The following ESRRG variants were observed in gnomAD, a reference collection of about 807,000 sequenced individuals.
The protein encoded by ESRRG is estrogen-related receptor gamma.
Under a neutral mutation model 44.0 loss-of-function variants are expected in ESRRG, and 13 were observed. The ratio of observed to expected loss-of-function variants is 0.30; its 90% confidence interval spans 0.19 to 0.47. The LOEUF (loss-of-function observed/expected upper bound fraction) is 0.47, where lower values mean the gene tolerates loss of function less well. Among genes scored for constraint, ESRRG ranks in the 20% least tolerant of loss-of-function variants. The pLI, the probability that ESRRG is intolerant of heterozygous loss-of-function variation, is 1.00. For missense variants in ESRRG, 395 were observed against 580.6 expected, an observed-to-expected ratio of 0.68 and a Z score of 3.29; for synonymous variants, 215 against 214.6, an observed-to-expected ratio of 1.00 and a Z score of -0.02.
Position 216,962,854 on chromosome 1 carries a change from A to T in ESRRG, c.-105-23181T>A, listed in dbSNP as rs144705484. Among the ~76,000 whole-genome samples the T allele has an allele frequency of 1.2e-3, 185 of 152,322 alleles. 1 individual carries two copies. The highest frequency in any genetic ancestry group is 5.9e-5 in the Non-Finnish European group (4 of 68,026). On this transcript the variant is annotated intron_variant, in intron 1 of 7. Transcript: ENST00000359162. The stretch of plus-strand genomic sequence containing the variant: ...TGTAGAAAATAGCAACTGAGAACGT[A>T]TATACAATTAATATGACAAGACGGG...
chr1:217,033,395 G>A (rs949280073), intron 1 of ESRRG, among the ~76,000 whole-genome samples: 1 of 152,124 alleles, frequency 6.6e-6, no homozygotes, highest in Non-Finnish European at 1.5e-5. Flanking sequence ...AAGATATTTT[G>A]GGTTCCTCCA....
intron 3 of ESRRG, among the ~76,000 whole-genome samples, chr1:216,633,967 A>G (rs2064771654): frequency 1.3e-5 from 2 of 152,316 alleles, no homozygotes; most frequent in South Asian, 4.1e-4. Flanking sequence ...TATTGGTTAA[A>G]AGGGTAGATA....
intron 2 of ESRRG, among the ~76,000 whole-genome samples, chr1:216,793,797 G>A (rs1370279009): frequency 6.6e-6 from 1 of 152,072 alleles, no homozygotes; most frequent in African/African-American, 2.4e-5. Context: ...AGTGACTTGA[G>A]GATAGGAGCC....
chr1:216,781,872 T>C (rs1321333496), intron 2 of ESRRG, among the ~76,000 whole-genome samples: 1 of 152,032 alleles, frequency 6.6e-6, no homozygotes, highest in East Asian at 1.9e-4. Flanking sequence ...TGCACAGTGG[T>C]AGAGAGACAT....
At chr1:216,558,264 T>G (rs1381438310) in intron 5 of ESRRG, among the ~76,000 whole-genome samples, 2 of 152,182 alleles carry the variant, frequency 1.3e-5, no homozygotes, top group Admixed American at 1.3e-4. Context: ...CTCAACTTAC[T>G]GGTTCCTATT....
intron 3 of ESRRG, among the ~76,000 whole-genome samples, chr1:216,595,972 T>C (rs2058372683): frequency 6.6e-6 from 1 of 152,246 alleles, no homozygotes; most frequent in African/African-American, 2.4e-5. Flanking sequence ...TGATGCATGC[T>C]GCCCCAAAGC....
chr1:216,612,532 A>G (rs756163611), intron 3 of ESRRG, among the ~76,000 whole-genome samples: 4 of 151,774 alleles, frequency 2.6e-5, no homozygotes, highest in Non-Finnish European at 5.9e-5. Flanking sequence ...CTTCCTCTCC[A>G]CCCCCCTCCT....
intron 1 of ESRRG, among the ~76,000 whole-genome samples, chr1:216,952,671 C>G (rs987643834): frequency 1.3e-5 from 2 of 152,024 alleles, no homozygotes; most frequent in African/African-American, 4.8e-5. Flanking sequence ...TGCAAGATAG[C>G]AAAATTGGTT....
At chr1:216,552,250 G>A (rs1434519889) in intron 5 of ESRRG, among the ~76,000 whole-genome samples, 1 of 152,020 alleles carries the variant, frequency 6.6e-6, no homozygotes, top group African/African-American at 2.4e-5. Flanking sequence ...AAGTTAAGAT[G>A]ATAATTTTTA....
chr1:217,081,976 T>C (rs1310163045), intron 1 of ESRRG, among the ~76,000 whole-genome samples: 1 of 152,214 alleles, frequency 6.6e-6, no homozygotes, highest in Non-Finnish European at 1.5e-5. Context: ...CAGTCACTTG[T>C]TTGTTTAGAC....
At chr1:216,816,046 C>T (rs1247309322) in intron 2 of ESRRG, among the ~76,000 whole-genome samples, 3 of 152,168 alleles carry the variant, frequency 2.0e-5, no homozygotes, top group African/African-American at 7.2e-5. Flanking sequence ...TCTGCTCAAA[C>T]CTGGTGTCTG....
intron 1 of ESRRG, among the ~76,000 whole-genome samples, chr1:217,098,916 G>C (rs1244003125): frequency 6.6e-6 from 1 of 152,154 alleles, no homozygotes; most frequent in African/African-American, 2.4e-5. Context: ...GACTACCTAT[G>C]TCACCTGATT....
chr1:216,732,537 C>T (rs111682849), intron 2 of ESRRG, among the ~76,000 whole-genome samples: 9,463 of 151,920 alleles, frequency 0.062, 367 homozygotes, highest in African/African-American at 0.091. Context: ...CCACCACACC[C>T]GGCTAATTTT....
chr1:216,767,351 G>C (rs2093135498), intron 2 of ESRRG, among the ~76,000 whole-genome samples: 1 of 152,048 alleles, frequency 6.6e-6, no homozygotes, highest in South Asian at 2.1e-4. Flanking sequence ...CATACAGAAA[G>C]AAAGAGGGGG....
At chr1:217,034,861 T>C (rs2082605971) in intron 1 of ESRRG, among the ~76,000 whole-genome samples, 1 of 152,180 alleles carries the variant, frequency 6.6e-6, no homozygotes, top group Admixed American at 6.5e-5. Context: ...TAATCCATAA[T>C]GAAATATTAC....
intron 1 of ESRRG, among the ~76,000 whole-genome samples, chr1:217,110,208 T>C (rs148704352): frequency 6.6e-6 from 1 of 152,322 alleles, no homozygotes; most frequent in East Asian, 1.9e-4. Context: ...TCAAAATTGT[T>C]GTCAGTGCAG....
chr1:216,727,156 C>A (rs936183619), upstream of ESRRG, among the ~76,000 whole-genome samples: 3 of 152,160 alleles, frequency 2.0e-5, no homozygotes, highest in African/African-American at 7.2e-5. Flanking sequence ...ACACATTCAT[C>A]ATTTACTAAA....
intron 2 of ESRRG, among the ~76,000 whole-genome samples, chr1:216,767,880 C>G (rs964676467): frequency 6.6e-6 from 1 of 152,116 alleles, no homozygotes; most frequent in Non-Finnish European, 1.5e-5. Context: ...CCCAACACAA[C>G]TCTTTCATAA....
At chr1:216,960,188 A>T (rs17044553) in intron 1 of ESRRG, among the ~76,000 whole-genome samples, 1,776 of 152,288 alleles carry the variant, frequency 0.012, 61 homozygotes, top group East Asian at 0.082. Flanking sequence ...CATTATGTAC[A>T]TATTTTATGG....
Sources: gnomAD v4.1 joint callset for allele counts (sites outside exome capture counted in the v4.1 genomes callset) on GRCh38, gnomAD v4.1.1 for gene constraint, MANE v1.5 for transcripts, NCBI Gene and HGNC (gene_info 2026-07-23, HGNC 2026-07-21) for gene names.